Variants in IGSF11 observed in about 807,000 individuals in gnomAD.
IGSF11 encodes immunoglobulin superfamily member 11.
A neutral mutation model predicts 41.0 loss-of-function variants in IGSF11; 22 were observed. The ratio of observed to expected loss-of-function variants is 0.54; its 90% CI spans 0.38 to 0.77. The LOEUF is 0.77. Among genes scored for constraint, IGSF11 ranks in the 30% least tolerant of loss-of-function variants. IGSF11 has a pLI of 0.00. For missense variants in IGSF11, 444 were observed against 530.8 expected (o/e 0.84, Z 1.61); for synonymous variants, 219 against 201.3 (o/e 1.09, Z -0.74).
upstream of IGSF11, among the ~76,000 whole-genome samples, chr3:119,036,619 T>G (rs1264012110): frequency 6.6e-6 from 1 of 152,148 alleles, no homozygotes; most frequent in African/African-American, 2.4e-5. Flanking sequence ...GCAAGTTATC[T>G]GATATATTTA....
upstream of IGSF11, chr3:119,105,250 A>C: frequency 9.1e-7 from 1 of 1,104,898 alleles, no homozygotes. Context: ...ATGTCATCAT[A>C]ACATTATATG....
intron 1 of IGSF11, among the ~76,000 whole-genome samples, chr3:119,067,066 A>G (rs1021401918): frequency 2.0e-5 from 3 of 152,082 alleles, no homozygotes; most frequent in Non-Finnish European, 4.4e-5. Flanking sequence ...TCTTCATTAT[A>G]CATCCTATTT....
In IGSF11 at chr3:119,096,046, T is replaced by TTTTATTTA. The variant is rs55923645; in HGVS notation, c.49+9090_49+9097dup. 1.1e-3 allele frequency among the ~76,000 whole-genome samples: 166 copies of TTTTATTTA among 151,652 alleles called. 4 individuals carry two copies. In the East Asian group the frequency reaches 0.022, roughly 20 times the overall value. On this transcript the variant is annotated intron_variant, in intron 1 of 6. Coordinates refer to the IGSF11 transcript ENST00000354673. ...TAGAATTCCTTAAGGATGAAAACTG[T>TTTTATTTA]TTTATTTATTTATTTATTTATTTAT... is the stretch of plus-strand genomic sequence containing the variant.
At chr3:119,135,744 C>T (rs2077552090) in intron 1 of IGSF11, among the ~76,000 whole-genome samples, 1 of 152,148 alleles carries the variant, frequency 6.6e-6, no homozygotes, top group Non-Finnish European at 1.5e-5. Flanking sequence ...AATCATGCTA[C>T]TATGAAGACA....
At chr3:118,971,777 T>C (rs973740533) in intron 1 of IGSF11, among the ~76,000 whole-genome samples, 5 of 138,736 alleles carry the variant, frequency 3.6e-5, no homozygotes, top group African/African-American at 5.6e-5. Context: ...CACTCCAGCC[T>C]GGAAGACAGA....
intron 1 of IGSF11, among the ~76,000 whole-genome samples, chr3:119,065,745 A>G (rs1432672640): frequency 1.4e-5 from 2 of 146,806 alleles, no homozygotes; most frequent in African/African-American, 5.2e-5. Flanking sequence ...GTGAGCCAAC[A>G]TCGCACCACT....
intron 1 of IGSF11, chr3:118,947,009 A>T (rs1167550134): frequency 1.3e-5 from 2 of 152,198 alleles, no homozygotes; most frequent in Admixed American, 6.5e-5. Context: ...AATAATTTTT[A>T]AAATTATTCT....
intron 1 of IGSF11, among the ~76,000 whole-genome samples, chr3:118,979,721 A>T (rs527436633): frequency 1.3e-5 from 2 of 152,372 alleles, no homozygotes; most frequent in South Asian, 4.1e-4. Context: ...AACAAAAGAA[A>T]CAATCAAAGG....
At chr3:119,116,332 C>A (rs899589641) in intron 1 of IGSF11, among the ~76,000 whole-genome samples, 43 of 152,056 alleles carry the variant, frequency 2.8e-4, no homozygotes, top group African/African-American at 1.0e-3. Context: ...CCACTGGCTC[C>A]CCTGGTTCTC....
At chr3:119,113,000 G>A (rs951785990) in intron 1 of IGSF11, among the ~76,000 whole-genome samples, 1 of 152,228 alleles carries the variant, frequency 6.6e-6, no homozygotes, top group Middle Eastern at 3.4e-3. Context: ...GAGAACAAAG[G>A]GGGAGGTGCT....
chr3:118,955,103 CA>C (rs973599267), intron 1 of IGSF11, among the ~76,000 whole-genome samples: 1 of 152,174 alleles, frequency 6.6e-6, no homozygotes, highest in Non-Finnish European at 1.5e-5. Flanking sequence ...AAGATACTTT[CA>C]CATGCATGTT....
At chr3:119,038,082 G>T (rs1342154258), upstream of IGSF11, among the ~76,000 whole-genome samples, 1 of 151,958 alleles carries the variant, frequency 6.6e-6, no homozygotes, top group African/African-American at 2.4e-5. Context: ...AGCACAGTTT[G>T]GTCCTTTTAG....
intron 1 of IGSF11, among the ~76,000 whole-genome samples, chr3:119,090,503 C>A (rs2076745644): frequency 6.6e-6 from 1 of 152,098 alleles, no homozygotes; most frequent in African/African-American, 2.4e-5. Context: ...GCCACAGTAA[C>A]CAAAACAACT....
intron 1 of IGSF11, among the ~76,000 whole-genome samples, chr3:118,931,849 C>T (rs1017832345): frequency 6.6e-6 from 1 of 151,892 alleles, no homozygotes. Context: ...TCTCCTGCCT[C>T]AGCCTCCCAA....
intron 1 of IGSF11, among the ~76,000 whole-genome samples, chr3:119,135,527 A>C (rs1485306068): frequency 2.0e-5 from 3 of 152,224 alleles, no homozygotes; most frequent in Non-Finnish European, 2.9e-5. Context: ...CATCTCACGC[A>C]GGTTAGAATG....
At chr3:119,108,495 C>T (rs1226466515), upstream of IGSF11, among the ~76,000 whole-genome samples, 227 of 150,512 alleles carry the variant, frequency 1.5e-3, no homozygotes, top group African/African-American at 5.3e-3. Context: ...TGGGCTGAGA[C>T]GATGGGGTTT....
At chr3:118,912,876 G>C (rs371015825) in intron 4 of IGSF11, among the ~76,000 whole-genome samples, 134 of 152,286 alleles carry the variant, frequency 8.8e-4, no homozygotes, top group African/African-American at 3.0e-3. Context: ...GCTCACATCT[G>C]TAATCCCAGC....
At chr3:119,118,222 A>T (rs2077285473) in intron 1 of IGSF11, among the ~76,000 whole-genome samples, 1 of 152,216 alleles carries the variant, frequency 6.6e-6, no homozygotes, top group African/African-American at 2.4e-5. Flanking sequence ...TTGCCCTAGC[A>T]AAGGTTCTCC....
At chr3:118,982,692 T>A (rs186535305) in intron 1 of IGSF11, among the ~76,000 whole-genome samples, 2 of 152,314 alleles carry the variant, frequency 1.3e-5, no homozygotes, top group East Asian at 3.9e-4. Context: ...AAGGAGGATA[T>A]CTTAATGAAT....
Sources: gnomAD v4.1 joint callset for allele counts (sites outside exome capture counted in the v4.1 genomes callset) on GRCh38, gnomAD v4.1.1 for gene constraint, MANE v1.5 for transcripts, NCBI Gene and HGNC (gene_info 2026-07-23, HGNC 2026-07-21) for gene names.